The following FAM227B variants were observed in gnomAD, a reference collection of about 807,000 sequenced individuals.
The protein encoded by FAM227B is family with sequence similarity 227 member B.
Under a neutral mutation model 73.8 loss-of-function variants are expected in FAM227B, and 88 were observed. The ratio of observed to expected loss-of-function variants is 1.19; its 90% CI spans 1.00 to 1.42. The LOEUF is 1.42. FAM227B is among the 40% of genes most tolerant of loss of function. The pLI is 0.00. For missense variants in FAM227B, 632 were observed against 590.9 expected, an observed-to-expected ratio of 1.07 and a Z score of -0.72; for synonymous variants, 210 against 190.5, an observed-to-expected ratio of 1.10 and a Z score of -0.84.
chr15:49,502,666 A>G (rs529689370), intron 11 of FAM227B, among the ~76,000 whole-genome samples: 1 of 152,278 alleles, frequency 6.6e-6, no homozygotes, highest in Admixed American at 6.5e-5. Context: ...TTAATGCTGG[A>G]ATGAGTTAAG....
At chr15:49,497,436 T>C (rs2057722433) in intron 11 of FAM227B, among the ~76,000 whole-genome samples, 3 of 152,160 alleles carry the variant, frequency 2.0e-5, no homozygotes, top group African/African-American at 7.2e-5. Context: ...TTGCAATGAT[T>C]TCCTATAGGA....
intron 6 of FAM227B, chr15:49,577,247 C>T (rs867236042): frequency 2.3e-4 from 78 of 345,104 alleles, no homozygotes; most frequent in African/African-American, 1.5e-3. Context: ...CAGTGAGCCA[C>T]GGTTGCGCCA....
At chr15:49,421,845 A>C (rs899883010) in intron 11 of FAM227B, among the ~76,000 whole-genome samples, 1 of 152,208 alleles carries the variant, frequency 6.6e-6, no homozygotes, top group Non-Finnish European at 1.5e-5. Context: ...CCTTTTAGAG[A>C]ATACATGATA....
At chr15:49,468,491 G>T (rs2054461267) in intron 11 of FAM227B, among the ~76,000 whole-genome samples, 1 of 152,048 alleles carries the variant, frequency 6.6e-6, no homozygotes, top group African/African-American at 2.4e-5. Context: ...CAGCTACAGG[G>T]CATGCTTTCT....
At chr15:49,489,347 G>T (rs2056680602) in intron 11 of FAM227B, 2 of 984,224 alleles carry the variant, frequency 2.0e-6, no homozygotes, top group South Asian at 9.4e-5. Flanking sequence ...ATTCTCTGTG[G>T]AAACATTCTT....
intron 11 of FAM227B, among the ~76,000 whole-genome samples, chr15:49,411,183 A>C (rs1029380628): frequency 1.2e-4 from 19 of 152,204 alleles, no homozygotes; most frequent in Admixed American, 3.3e-4. Flanking sequence ...ATCTTTGTAA[A>C]TATTTGGTAT....
chr15:49,475,621 C>T (rs1157885439), intron 11 of FAM227B, among the ~76,000 whole-genome samples: 4 of 148,992 alleles, frequency 2.7e-5, no homozygotes, highest in African/African-American at 1.0e-4. Flanking sequence ...TTAATTTTTT[C>T]ATAACATCTA....
At chr15:49,337,508 CTTT>C (rs33973907) in intron 13 of FAM227B, among the ~76,000 whole-genome samples, 4 of 36,076 alleles carry the variant, frequency 1.1e-4, no homozygotes, top group Non-Finnish European at 2.0e-4. Context: ...CATTTACCCA[CTTT>C]TTTTTTTTTT....
chr15:49,358,318 G>T lies in FAM227B; in HGVS notation c.1271+9130C>A, dbSNP rs1294161283. ...AATTGTCCCTGTTTGCAGACGACAT[G>T]ATTGTGTATGTAGAAAACCCCATTG... On this transcript the variant is annotated intron_variant, in intron 13 of 15. Transcript: ENST00000299338. 1.7e-5 allele frequency among the ~76,000 whole-genome samples: 2 copies of T among 120,406 alleles called. 1 individual carries two copies. Among genetic ancestry groups the T allele is most frequent in the Non-Finnish European group, 3.7e-5 (2 of 54,702 alleles). The allele number at this position is 120,406 out of a possible 152,430, so 79.0% of individuals were successfully genotyped here. A position where few individuals can be genotyped will look rare whatever the true frequency, so the allele number is the denominator to read the frequency against.
In FAM227B at chr15:49,585,455, A is replaced by G. The variant is rs575427603; in HGVS notation, c.405+2561T>C. Among the ~76,000 whole-genome samples, 134 of 152,346 alleles carry G rather than the reference A, an allele frequency of 8.8e-4. 5 individuals are homozygous for G. In the South Asian group the frequency reaches 0.026, roughly 30 times the overall value. On this transcript the variant is annotated intron_variant, in intron 5 of 15. Transcript: ENST00000299338. ...TTGGAACCAAGCCAAATGTCCAACAATGATAGACTGGATTAAGAAAATGTG... is the reference window on the plus strand; with the variant it reads ...TTGGAACCAAGCCAAATGTCCAACAGTGATAGACTGGATTAAGAAAATGTG...
intron 11 of FAM227B, among the ~76,000 whole-genome samples, chr15:49,451,227 C>G (rs866983667): frequency 1.3e-5 from 2 of 151,912 alleles, no homozygotes; most frequent in African/African-American, 4.8e-5. Context: ...CCAATTAGAG[C>G]TTGCCAATTT....
chr15:49,346,114 C>T (rs1471023548), intron 13 of FAM227B, among the ~76,000 whole-genome samples: 2 of 151,590 alleles, frequency 1.3e-5, no homozygotes, highest in Non-Finnish European at 2.9e-5. Context: ...GAAACTTAAC[C>T]TTTACTGGCT....
At position 49,351,066 on chromosome 15, in the gene FAM227B, A is replaced by G. The variant is rs76392837; in HGVS notation, c.1272-15570T>C. On this transcript the variant is annotated intron_variant, in intron 13 of 15. Coordinates refer to ENST00000299338, the MANE Select transcript of FAM227B (RefSeq NM_152647.3). Reference sequence around the variant, plus strand: ...CATACGCTGTGGTTTGAGCTCTACAATCAATGAATTTTTCTCATTCTTTCC... The same window carrying G: ...CATACGCTGTGGTTTGAGCTCTACAGTCAATGAATTTTTCTCATTCTTTCC... 5.6e-3 allele frequency among the ~76,000 whole-genome samples: 858 copies of G among 152,232 alleles called. 6 individuals are homozygous for G. The highest frequency in any genetic ancestry group is 0.02 in the African/African-American group (818 of 41,542).
At chr15:49,555,273 T>A (rs1242195594) in intron 9 of FAM227B, among the ~76,000 whole-genome samples, 1 of 152,232 alleles carries the variant, frequency 6.6e-6, no homozygotes, top group Non-Finnish European at 1.5e-5. Flanking sequence ...CCCTTAACAT[T>A]TGCTTATCTG....
At chr15:49,600,746 A>C (rs2077144596) in intron 3 of FAM227B, among the ~76,000 whole-genome samples, 1 of 151,860 alleles carries the variant, frequency 6.6e-6, no homozygotes, top group Non-Finnish European at 1.5e-5. Context: ...GACATGGAAT[A>C]ATTTACTACT....
At chr15:49,340,368 C>T (rs1045662045) in intron 13 of FAM227B, among the ~76,000 whole-genome samples, 3 of 151,592 alleles carry the variant, frequency 2.0e-5, no homozygotes, top group Non-Finnish European at 4.4e-5. Flanking sequence ...GGGAGTTCCC[C>T]GGCCCCTTGT....
At chr15:49,390,793 T>G (rs1015001758) in intron 11 of FAM227B, among the ~76,000 whole-genome samples, 1 of 152,030 alleles carries the variant, frequency 6.6e-6, no homozygotes, top group African/African-American at 2.4e-5. Context: ...AAATATACTG[T>G]CCATTCTTTT....
chr15:49,351,439 G>A (rs887252921), intron 13 of FAM227B, among the ~76,000 whole-genome samples: 1 of 152,138 alleles, frequency 6.6e-6, no homozygotes, highest in Non-Finnish European at 1.5e-5. Context: ...GGACAATGTT[G>A]ATTTTTTTCT....
intron 11 of FAM227B, among the ~76,000 whole-genome samples, chr15:49,379,281 T>A (rs187795041): frequency 1.3e-4 from 20 of 152,290 alleles, no homozygotes; most frequent in African/African-American, 4.1e-4. Flanking sequence ...TTGATGTGTC[T>A]TTATCTGGTT....
Sources: gnomAD v4.1 joint callset for allele counts (sites outside exome capture counted in the v4.1 genomes callset) on GRCh38, gnomAD v4.1.1 for gene constraint, MANE v1.5 for transcripts, NCBI Gene and HGNC (gene_info 2026-07-23, HGNC 2026-07-21) for gene names.